Variants in KCNH4 observed in about 807,000 individuals in gnomAD.
The protein encoded by KCNH4 is voltage-gated delayed rectifier potassium channel KCNH4.
KCNH4 carries 33 observed loss-of-function variants against 90.7 expected under a neutral mutation model. The observed-to-expected ratio is 0.36, with a 90% CI of 0.28 to 0.49. KCNH4 has a LOEUF of 0.49. KCNH4 is among the 20% of genes least tolerant of loss of function. The pLI is 0.98. For synonymous variants in KCNH4, 551 were observed against 581.7 expected (o/e 0.95, Z 0.76); for missense variants, 1,044 against 1,387.1 (o/e 0.75, Z 3.93).
rs765112953 is a variant in KCNH4 at position 42,160,415 on chromosome 17, C to T, written c.2679G>A (p.Glu893=). Residue 893 remains glutamate (E), a synonymous_variant, in exon 16 of 17, where the codon GAG becomes GAA. Transcript: ENST00000264661. ...GCAGCTCCCGGCTAAGCTGAGACACCTCCTGATTGAGACGAGAGATCTGTT... is the reference window on the plus strand; with the variant it reads ...GCAGCTCCCGGCTAAGCTGAGACACTTCCTGATTGAGACGAGAGATCTGTT... The part of the protein sequence containing the change: ...LNQEISRLNQ[E]VSQLSRELRH... 1.5e-5 allele frequency: 24 copies of T among 1,602,586 alleles called. No homozygotes were observed. Among genetic ancestry groups the T allele is most frequent in the Non-Finnish European group, 2.0e-5 (24 of 1,172,400 alleles).
Position 42,180,536 on chromosome 17 carries a change from T to C in KCNH4, c.76+334A>G, listed in dbSNP as rs949497321. On this transcript the variant is annotated intron_variant, in intron 1 of 16. Transcript: ENST00000264661. The surrounding 1 kb of genome is among the most constrained non-coding windows in gnomAD (Gnocchi z 4.7). ...ATGCCCGGCCACTTTGCCCCACTTC[T>C]GTGTCTCGGATACCCCCATACACGC... Among the ~76,000 whole-genome samples the C allele has an allele frequency of 5.3e-5, 8 of 152,080 alleles. No individual in the cohort carries two copies. The highest frequency in any genetic ancestry group is 1.7e-4 in the African/African-American group (7 of 41,416).
rs117106318 is a variant in KCNH4 at position 42,171,861 on chromosome 17, G to A, written c.1122C>T (p.His374=). ...LLMSVFALLA[H]WMACIWYVIG... is the part of the protein sequence containing the mutation. ...TGACATACCAGATGCAGGCCATCCA[G>A]TGGGCAAGGAGCGCAAAGACCGACA... Residue 374 remains histidine, a synonymous_variant, in exon 7 of 17, where the codon CAC becomes CAT. Coordinates refer to ENST00000264661, the MANE Select transcript of KCNH4 (RefSeq NM_012285.3). The A allele has an allele frequency of 1.2e-6, 2 of 1,614,182 alleles. No homozygotes were observed. The highest frequency in any genetic ancestry group is 2.2e-5 in the East Asian group (1 of 44,876).
At position 42,178,149 on chromosome 17, in the gene KCNH4, A is replaced by C; in HGVS notation, c.536T>G (p.Leu179Arg). 6.2e-7 allele frequency: 1 copy of C among 1,614,184 alleles called. No individual in the cohort carries two copies. Among genetic ancestry groups the C allele is most frequent in the Non-Finnish European group, 8.5e-7 (1 of 1,180,014 alleles). The change falls in exon 4 of 17, where the codon CTG (leucine) becomes CGG (arginine). Residue 179 changes from leucine (L) to arginine (R), a missense_variant. This residue lies in a region of KCNH4 where 283 missense variants were observed against 378.6 expected (regional missense o/e 0.75). Coordinates refer to ENST00000264661, the MANE Select transcript of KCNH4 (RefSeq NM_012285.3). ...RRRSRTVLHR[L>R]TGHFGRRGQG... ...GCCCCGGCGGCCAAAGTGGCCGGTCAGTCGGTGTAGGACAGTACGGCTCCG... is the reference window on the plus strand; with the variant it reads ...GCCCCGGCGGCCAAAGTGGCCGGTCCGTCGGTGTAGGACAGTACGGCTCCG...
rs1280812239 is a variant in KCNH4 at position 42,163,006 on chromosome 17, T to C, written c.2584+222A>G. On this transcript the variant is annotated intron_variant, in intron 14 of 16. Transcript: ENST00000264661. The surrounding 1 kb of genome is among the most constrained non-coding windows in gnomAD (Gnocchi z 5.4). ...AGCACCTTCCTCTTCTACCACAGAG[T>C]CCTGTTCTTGTCTGTCATGGTATTT... Among the ~76,000 whole-genome samples the C allele has an allele frequency of 6.6e-6, 1 of 152,136 alleles. No homozygotes were observed. Among genetic ancestry groups the C allele is most frequent in the Non-Finnish European group, 1.5e-5 (1 of 68,034 alleles).
In KCNH4 at chr17:42,181,070, A is replaced by C; in HGVS notation, c.-125T>G. 1 of 783,592 alleles carries C rather than the reference A, an allele frequency of 1.3e-6. No homozygotes were observed. The highest frequency in any genetic ancestry group is 2.0e-6 in the Non-Finnish European group (1 of 498,008). The allele number at this position is 783,592 out of a possible 1,614,324, so 48.5% of individuals were successfully genotyped here. A position where few individuals can be genotyped will look rare whatever the true frequency, so the allele number is the denominator to read the frequency against. ...CCTCCTGCCTCCTCCCCTCCCTCTT[A>C]CTGCCGCTGCCGCTGCCGCTGCCTC... is the stretch of plus-strand genomic sequence containing the variant. On this transcript the variant is annotated 5_prime_UTR_variant, in exon 1 of 17. Coordinates refer to ENST00000264661, the MANE Select transcript of KCNH4 (RefSeq NM_012285.3).
rs2079860660 is a variant in KCNH4, at chr17:42,176,262, G to A, written c.621C>T (p.Tyr207=). 1 of 1,612,454 alleles carries A rather than the reference G, an allele frequency of 6.2e-7. No homozygotes were observed. Among genetic ancestry groups the A allele is most frequent in the Admixed American group, 1.7e-5 (1 of 59,908 alleles). Residue 207 remains tyrosine, a synonymous_variant, in exon 5 of 17, where the codon TAC becomes TAT. Transcript: ENST00000264661. ...VFEPKPSVPE[Y]KVASVGGSRC... is the part of the protein sequence containing the mutation. ...GAGACCCCCCCACGGAGGCCACCTT[G>A]TACTCGGGCACTGATGGCTTTGGCT... is the stretch of plus-strand genomic sequence containing the variant.
chr17:42,178,108 C>A lies in KCNH4; in HGVS notation c.577G>T (p.Ala193Ser). Residue 193 changes from alanine (A) to serine (S), a missense_variant, in exon 4 of 17, where the codon GCC (alanine) becomes TCC (serine). Ala to Ser is a moderately conservative substitution (Grantham distance 99, BLOSUM62 1). Coordinates refer to ENST00000264661, the MANE Select transcript of KCNH4 (RefSeq NM_012285.3). ...FGRRGQGGMK[A>S]NNNVFEPKPS... ...TTGGGGGTGGGACTCACATTATTGGCCTTCATGCCTCCCTGGCCCCGGCGG... is the reference window on the plus strand; with the variant it reads ...TTGGGGGTGGGACTCACATTATTGGACTTCATGCCTCCCTGGCCCCGGCGG... 1 of 1,613,728 alleles carries A rather than the reference C, an allele frequency of 6.2e-7. No homozygotes were observed. The highest frequency in any genetic ancestry group is 8.5e-7 in the Non-Finnish European group (1 of 1,179,800).
rs1223072708 is a variant in KCNH4, at chr17:42,180,627, G to A, written c.76+243C>T. Among the ~76,000 whole-genome samples, 4 of 151,942 alleles carry A rather than the reference G, an allele frequency of 2.6e-5. No homozygotes were observed. The highest frequency in any genetic ancestry group is 5.9e-5 in the Non-Finnish European group (4 of 67,984). ...ACCCTCCTCCGCTCTGCCGCACAAA[G>A]AGCCTCTTCTGCCTCGAGTCACACC... On this transcript the variant is annotated intron_variant, in intron 1 of 16. Transcript: ENST00000264661. The surrounding 1 kb of genome is among the most constrained non-coding windows in gnomAD (Gnocchi z 4.7).
intron 7 of KCNH4, among the ~76,000 whole-genome samples, chr17:42,170,814 G>A (rs1320637618): frequency 1.3e-5 from 2 of 152,242 alleles, no homozygotes; most frequent in Non-Finnish European, 2.9e-5. Context: ...TGGAACCGAA[G>A]GAACATTGTT....
chr17:42,171,665 A>G, intron 7 of KCNH4, 123 bp downstream of exon 7: 2 of 915,650 alleles, frequency 2.2e-6, no homozygotes, highest in Non-Finnish European at 3.6e-6. Flanking sequence ...AAAGAGCTCA[A>G]CGCATGTTTG....
intron 9 of KCNH4, among the ~76,000 whole-genome samples, chr17:42,168,772 A>ATTTTTTTTTTTTTTTTTTTTT (rs1568034449): frequency 6.6e-6 from 1 of 150,548 alleles, no homozygotes; most frequent in African/African-American, 2.4e-5. Flanking sequence ...TTTTATTTTT[A>ATTTTTTTTTTTTTTTTTTTTT]TTTTTATTTT....
chr17:42,177,604 A>G (rs1285667153), intron 4 of KCNH4, among the ~76,000 whole-genome samples: 1 of 152,170 alleles, frequency 6.6e-6, no homozygotes, highest in East Asian at 1.9e-4. Flanking sequence ...CTGGGGGCCC[A>G]GTGGGGGCTG....
At position 42,163,213 on chromosome 17, in the gene KCNH4, A is replaced by G; in HGVS notation, c.2584+15T>C. ...CAGATGGATGACGGGGTTGAAGTCCACTGTTGGCCCTTACCTGTAGGGGGC... is the reference window on the plus strand; with the variant it reads ...CAGATGGATGACGGGGTTGAAGTCCGCTGTTGGCCCTTACCTGTAGGGGGC... On this transcript the variant is annotated intron_variant, in intron 14 of 16. Transcript: ENST00000264661. The surrounding 1 kb of genome is among the most constrained non-coding windows in gnomAD (Gnocchi z 5.4). 1 of 1,564,846 alleles carries G rather than the reference A, an allele frequency of 6.4e-7. No individual in the cohort carries two copies. The highest frequency in any genetic ancestry group is 8.8e-7 in the Non-Finnish European group (1 of 1,135,222).
Position 42,163,543 on chromosome 17 carries a change from G to T in KCNH4, c.2477+63C>A. 1.2e-6 allele frequency: 1 copy of T among 829,234 alleles called. No homozygotes were observed. The highest frequency in any genetic ancestry group is 1.9e-6 in the Non-Finnish European group (1 of 519,670). 51.4% of individuals were successfully genotyped at this position (829,234 alleles called of 1,614,324 possible). A position where few individuals can be genotyped will look rare whatever the true frequency, so the allele number is the denominator to read the frequency against. On this transcript the variant is annotated intron_variant, in intron 13 of 16. Transcript: ENST00000264661. This position sits in a 1 kb window ranked among gnomAD's most constrained non-coding sequence, Gnocchi z 5.4. ...CACTGTTTGGAACGCCAGGGATAGA[G>T]CCCAGAGAAGGTTCTGGAAGCCAAT...
intron 6 of KCNH4, among the ~76,000 whole-genome samples, chr17:42,173,603 A>C (rs1598275535): frequency 7.0e-6 from 1 of 143,820 alleles, no homozygotes; most frequent in African/African-American, 2.6e-5. Flanking sequence ...TCCTCATCTC[A>C]CCAGACCATC....
In KCNH4 at chr17:42,166,422, A is replaced by G. The variant is rs375202627; in HGVS notation, c.1715T>C (p.Ile572Thr). The G allele has an allele frequency of 6.2e-7, 1 of 1,614,066 alleles. No individual in the cohort carries two copies. Among genetic ancestry groups the G allele is most frequent in the Non-Finnish European group, 8.5e-7 (1 of 1,179,976 alleles). The change falls in exon 10 of 17, where the codon ATC becomes ACC. Residue 572 changes from isoleucine (I) to threonine (T), a missense_variant. Around this residue, in one of 4 missense-constraint regions of KCNH4, gnomAD observed 318 missense variants for 479.6 expected, o/e 0.66. Transcript: ENST00000264661. ...RGCLRALSLH[I>T]KTSFCAPGEY... The stretch of plus-strand genomic sequence containing the variant: ...GCCCGGAGCGCAGAACGAGGTCTTG[A>G]TGTGCAGCGATAGGGCCCGCAGGCA...
rs764062865 is a variant in KCNH4 at position 42,178,977 on chromosome 17, G to T, written c.126C>A (p.Ile42=). 6.2e-7 allele frequency: 1 copy of T among 1,614,220 alleles called. No homozygotes were observed. Among genetic ancestry groups the T allele is most frequent in the Admixed American group, 1.7e-5 (1 of 60,030 alleles). The change falls in exon 2 of 17, where the codon ATC becomes ATA. Residue 42 remains isoleucine (I), a synonymous_variant. Coordinates refer to ENST00000264661, the MANE Select transcript of KCNH4 (RefSeq NM_012285.3). ...CGCAGAAGCCGTCGGAGCAGTAGAC[G>T]ATGGGAAAGCCCCGTGTGCCCTGTG... ...ANAQGTRGFP[I]VYCSDGFCEL... is the part of the protein sequence containing the mutation.
intron 9 of KCNH4, among the ~76,000 whole-genome samples, 170 bp from the exon 10 acceptor site, chr17:42,166,716 A>T (rs9912576): frequency 6.6e-6 from 1 of 151,966 alleles, no homozygotes; most frequent in African/African-American, 2.4e-5. Context: ...TGCTTGCTGC[A>T]TGTACCTCAC....
At chr17:42,168,842 G>C (rs1373374976) in intron 9 of KCNH4, among the ~76,000 whole-genome samples, 1 of 151,566 alleles carries the variant, frequency 6.6e-6, no homozygotes, top group Non-Finnish European at 1.5e-5. Context: ...CACAATTTCG[G>C]CTCACTGCAA....
Sources: gnomAD v4.1 joint callset for allele counts (sites outside exome capture counted in the v4.1 genomes callset) on GRCh38, gnomAD v4.1.1 for gene constraint, gnomAD v4.1.1 regional missense constraint, Gnocchi (gnomAD v3.1) non-coding constraint, MANE v1.5 for transcripts, NCBI Gene and HGNC (gene_info 2026-07-23, HGNC 2026-07-21) for gene names.